Variants in APELA observed in about 807,000 individuals in gnomAD.
APELA encodes apelin receptor early endogenous ligand.
At chr4:164,884,104 TGAAAGAAAGAAAGAAAGA>T (rs760697166) in intron 2 of APELA, among the ~76,000 whole-genome samples, 2,083 of 18,110 alleles carry the variant, frequency 0.12, 39 homozygotes, top group South Asian at 0.28. Flanking sequence ...AAAGAAAGAA[TGAAAGAAAGAAAGAAAGA>T]GAAAGAAAGA....
chr4:164,883,879 A>C (rs1207702351), intron 2 of APELA, among the ~76,000 whole-genome samples: 1 of 149,644 alleles, frequency 6.7e-6, no homozygotes, highest in Non-Finnish European at 1.5e-5. Flanking sequence ...TTGCTCCCCC[A>C]GAATGTTCAA....
At chr4:164,890,440 T>A (rs928919737) in intron 2 of APELA, among the ~76,000 whole-genome samples, 4 of 152,218 alleles carry the variant, frequency 2.6e-5, no homozygotes, top group African/African-American at 9.6e-5. Context: ...GCCACTAACC[T>A]ACTTTCTGTC....
intron 2 of APELA, among the ~76,000 whole-genome samples, chr4:164,881,773 G>A (rs966021972): frequency 6.6e-6 from 1 of 151,822 alleles, no homozygotes; most frequent in Non-Finnish European, 1.5e-5. Flanking sequence ...AGTGGCTCAT[G>A]CCTATAATCC....
At chr4:164,885,061 G>A (rs1027164964) in intron 2 of APELA, among the ~76,000 whole-genome samples, 7 of 152,218 alleles carry the variant, frequency 4.6e-5, no homozygotes, top group South Asian at 2.1e-4. Context: ...CCTGAAGGCC[G>A]AGGGTAGGTT....
downstream of APELA, chr4:164,898,693 G>T (rs1731022458): frequency 6.6e-6 from 1 of 152,038 alleles, no homozygotes; most frequent in Admixed American, 6.6e-5. Context: ...TGTAAAGGCT[G>T]ATCCCTTCTT....
chr4:164,884,133 AAG>A (rs1560858082), intron 2 of APELA, among the ~76,000 whole-genome samples: 2 of 149,144 alleles, frequency 1.3e-5, no homozygotes, highest in Non-Finnish European at 2.9e-5. Context: ...GAAAGAAAGA[AAG>A]AAAGAAAGAA....
At position 164,896,880 on chromosome 4, in the gene APELA, C is replaced by T. The variant is rs1301249451; in HGVS notation, c.*1466C>T. The T allele has an allele frequency of 6.6e-6, 1 of 151,954 alleles. No homozygotes were observed. The highest frequency in any genetic ancestry group is 2.4e-5 in the African/African-American group (1 of 41,358). The allele number at this position is 151,954 out of a possible 1,614,324, so 9.4% of individuals were successfully genotyped here. The stretch of plus-strand genomic sequence containing the variant: ...AGGCTAACTCCCTGGCTCAAGCGAT[C>T]CTTCCACCTCAGCCTCCCAAGTACC... On this transcript the variant is annotated 3_prime_UTR_variant, in exon 3 of 3. Coordinates refer to ENST00000507152, the MANE Select transcript of APELA (RefSeq NM_001297550.2).
At chr4:164,891,125 T>A (rs896226734) in intron 2 of APELA, among the ~76,000 whole-genome samples, 4 of 152,232 alleles carry the variant, frequency 2.6e-5, no homozygotes, top group South Asian at 2.1e-4. Context: ...GTATATATTC[T>A]GAATACAGGG....
chr4:164,880,842 C>T (rs1730641284), intron 2 of APELA, among the ~76,000 whole-genome samples: 1 of 151,962 alleles, frequency 6.6e-6, no homozygotes, highest in South Asian at 2.1e-4. Context: ...GTTTGTAAAC[C>T]AAAGGGAAAT....
chr4:164,884,387 C>T (rs532344375), intron 2 of APELA, among the ~76,000 whole-genome samples: 2 of 152,286 alleles, frequency 1.3e-5, no homozygotes, highest in South Asian at 2.1e-4. Flanking sequence ...TTTCCTTCTG[C>T]GGAAGGTCCA....
rs1193340019 is a variant in APELA at position 164,895,917 on chromosome 4, G to T, written c.*503G>T. ...TTCGCACAATAGGGAGAAAATAATT[G>T]GTTCATTGATTATATAGAGAGAAAG... On this transcript the variant is annotated 3_prime_UTR_variant, in exon 3 of 3. Coordinates refer to ENST00000507152, the MANE Select transcript of APELA (RefSeq NM_001297550.2). 6.6e-6 allele frequency: 1 copy of T among 152,038 alleles called. No homozygotes were observed. The highest frequency in any genetic ancestry group is 2.4e-5 in the African/African-American group (1 of 41,388). The allele number at this position is 152,038 out of a possible 1,614,324, so 9.4% of individuals were successfully genotyped here.
At chr4:164,884,121 G>GAAAGAAAGAAAGAAAGAAAGAAAGAA (rs5863729) in intron 2 of APELA, among the ~76,000 whole-genome samples, 2 of 113,290 alleles carry the variant, frequency 1.8e-5, no homozygotes, top group Non-Finnish European at 3.6e-5. Flanking sequence ...AAGAAAGAAA[G>GAAAGAAAGAAAGAAAGAAAGAAAGAA]AGAAAGAAAG....
chr4:164,877,824 A>G (rs1459820655), intron 1 of APELA, among the ~76,000 whole-genome samples: 2 of 152,192 alleles, frequency 1.3e-5, no homozygotes, highest in East Asian at 3.8e-4. Context: ...GGCTGAATTA[A>G]CATACAAAAA....
intron 2 of APELA, among the ~76,000 whole-genome samples, chr4:164,888,105 T>C (rs1317946279): frequency 6.6e-6 from 1 of 152,128 alleles, no homozygotes; most frequent in Non-Finnish European, 1.5e-5. Context: ...ATAAAATGTA[T>C]CTCTACTCTC....
At chr4:164,895,368 A>G (rs545382095) in intron 2 of APELA, 48 bp from the exon 3 acceptor site, 12 of 152,282 alleles carry the variant, frequency 7.9e-5, no homozygotes, top group African/African-American at 2.6e-4. Flanking sequence ...GGTGTGCTGG[A>G]TAGTATTTCT....
At chr4:164,893,740 A>C (rs1730921886) in intron 2 of APELA, among the ~76,000 whole-genome samples, 1 of 152,012 alleles carries the variant, frequency 6.6e-6, no homozygotes, top group Non-Finnish European at 1.5e-5. Flanking sequence ...ATGGTTAATC[A>C]TGTTTTTTGT....
intron 2 of APELA, among the ~76,000 whole-genome samples, chr4:164,888,025 T>C (rs2111061906): frequency 6.6e-6 from 1 of 152,290 alleles, no homozygotes; most frequent in South Asian, 2.1e-4. Flanking sequence ...CAGGGCACCA[T>C]ACTTATTTCC....
intron 2 of APELA, among the ~76,000 whole-genome samples, chr4:164,887,526 C>T (rs990428677): frequency 6.6e-6 from 1 of 152,148 alleles, no homozygotes; most frequent in Non-Finnish European, 1.5e-5. Context: ...TTTTTCTGTA[C>T]TCATTGTCCC....
intron 2 of APELA, among the ~76,000 whole-genome samples, chr4:164,884,121 G>GGA (rs1553971118): frequency 8.8e-6 from 1 of 113,290 alleles, no homozygotes; most frequent in Admixed American, 9.2e-5. Context: ...AAGAAAGAAA[G>GGA]AGAAAGAAAG....
Sources: gnomAD v4.1 joint callset for allele counts (sites outside exome capture counted in the v4.1 genomes callset) on GRCh38, gnomAD v4.1.1 for gene constraint, MANE v1.5 for transcripts, NCBI Gene and HGNC (gene_info 2026-07-23, HGNC 2026-07-21) for gene names.